CSMD1: variants seen among roughly 807,000 people sequenced by gnomAD.
The protein encoded by CSMD1 is CUB and sushi domain-containing protein 1.
A neutral mutation model predicts 417.5 loss-of-function variants in CSMD1; 213 were observed. The observed-to-expected ratio is 0.51, with a 90% CI of 0.46 to 0.57. The LOEUF (loss-of-function observed/expected upper bound fraction) is 0.57, where lower values mean the gene tolerates loss of function less well. Ranked by LOEUF, CSMD1 falls within the 20% of genes least tolerant of loss-of-function variation. The pLI is 0.00. For synonymous variants in CSMD1, 2,862 were observed against 1,736.8 expected, an observed-to-expected ratio of 1.65 and a Z score of -16.11; for missense variants, 6,923 against 4,529.7, an observed-to-expected ratio of 1.53 and a Z score of -15.17.
intron 3 of CSMD1, among the ~76,000 whole-genome samples, chr8:4,103,265 T>TTTTATATA (rs1554449717): frequency 1.1e-4 from 16 of 150,026 alleles, no homozygotes; most frequent in African/African-American, 2.4e-5. Context: ...TATACATACA[T>TTTTATATA]TATATATATC....
At chr8:4,161,726 C>T (rs953704364) in intron 3 of CSMD1, among the ~76,000 whole-genome samples, 1 of 152,106 alleles carries the variant, frequency 6.6e-6, no homozygotes, top group African/African-American at 2.4e-5. Context: ...ACCATTGCTG[C>T]CATCATTTTT....
At chr8:3,880,845 A>G (rs945196956) in intron 5 of CSMD1, among the ~76,000 whole-genome samples, 1 of 152,168 alleles carries the variant, frequency 6.6e-6, no homozygotes, top group Non-Finnish European at 1.5e-5. Flanking sequence ...TGACCTGCGC[A>G]TTTATATTTT....
intron 5 of CSMD1, among the ~76,000 whole-genome samples, chr8:3,850,159 T>C (rs1253830911): frequency 6.6e-6 from 1 of 152,248 alleles, no homozygotes; most frequent in African/African-American, 2.4e-5. Flanking sequence ...CCCTTATGAA[T>C]TTCAAGTGTC....
At chr8:3,843,450 C>G (rs1028648383) in intron 5 of CSMD1, among the ~76,000 whole-genome samples, 3 of 151,808 alleles carry the variant, frequency 2.0e-5, no homozygotes, top group African/African-American at 7.3e-5. Context: ...TAACAGCCAG[C>G]CAAAGATCAA....
At chr8:4,096,332 A>G (rs59961277) in intron 3 of CSMD1, among the ~76,000 whole-genome samples, 34,715 of 151,442 alleles carry the variant, frequency 0.23, 4,994 homozygotes, top group African/African-American at 0.4. Flanking sequence ...AACAACCCAG[A>G]AATAGGACAG....
chr8:4,007,521 C>T (rs189056102), intron 4 of CSMD1, among the ~76,000 whole-genome samples: 1 of 152,240 alleles, frequency 6.6e-6, no homozygotes, highest in African/African-American at 2.4e-5. Flanking sequence ...TTTAAACTAG[C>T]ACTCACCTAG....
intron 5 of CSMD1, among the ~76,000 whole-genome samples, chr8:3,975,266 T>G (rs1032421543): frequency 1.2e-4 from 18 of 152,230 alleles, no homozygotes; most frequent in Admixed American, 4.6e-4. Flanking sequence ...GTATGAGAGC[T>G]TGGGGTTGTT....
intron 3 of CSMD1, among the ~76,000 whole-genome samples, chr8:4,051,582 C>T (rs911496050): frequency 2.0e-5 from 3 of 152,182 alleles, no homozygotes; most frequent in African/African-American, 7.2e-5. Context: ...CTGTCAACGT[C>T]CTCAGAAGTG....
intron 25 of CSMD1, among the ~76,000 whole-genome samples, chr8:3,288,380 G>A (rs1490102015): frequency 6.8e-6 from 1 of 147,094 alleles, no homozygotes; most frequent in Non-Finnish European, 1.5e-5. Context: ...AATGGTACCA[G>A]CTCCTCCTTG....
intron 50 of CSMD1, among the ~76,000 whole-genome samples, chr8:3,032,550 G>A (rs746006607): frequency 1.6e-4 from 24 of 152,066 alleles, no homozygotes; most frequent in African/African-American, 4.1e-4. Context: ...TGTGACTCTC[G>A]CGAGAGGGTA....
chr8:3,747,335 A>T (rs1206069238), intron 6 of CSMD1, among the ~76,000 whole-genome samples: 1 of 152,186 alleles, frequency 6.6e-6, no homozygotes, highest in African/African-American at 2.4e-5. Flanking sequence ...AATTCTAAAC[A>T]ATCCATCATT....
intron 8 of CSMD1, among the ~76,000 whole-genome samples, chr8:3,593,690 A>G (rs990732149): frequency 4.6e-5 from 7 of 152,252 alleles, no homozygotes; most frequent in Non-Finnish European, 8.8e-5. Flanking sequence ...CACAGTACAA[A>G]TAAAACTACA....
chr8:3,437,517 G>A (rs1017113818), intron 12 of CSMD1, among the ~76,000 whole-genome samples: 4 of 152,152 alleles, frequency 2.6e-5, no homozygotes, highest in African/African-American at 9.7e-5. Context: ...CTCCAGCCCT[G>A]CTCAAAGAAA....
At chr8:3,314,427 T>C (rs564159876) in intron 23 of CSMD1, among the ~76,000 whole-genome samples, 1 of 152,188 alleles carries the variant, frequency 6.6e-6, no homozygotes, top group Non-Finnish European at 1.5e-5. Flanking sequence ...CTTTTCTATC[T>C]TGAAGCCACT....
chr8:4,231,599 A>G (rs1274886055), intron 3 of CSMD1, among the ~76,000 whole-genome samples: 4 of 152,184 alleles, frequency 2.6e-5, no homozygotes, highest in Non-Finnish European at 4.4e-5. Flanking sequence ...TCTGCATACA[A>G]TCCCCCAACA....
intron 61 of CSMD1, among the ~76,000 whole-genome samples, chr8:2,962,209 G>C (rs1018903532): frequency 1.3e-5 from 2 of 152,168 alleles, no homozygotes; most frequent in African/African-American, 4.8e-5. Context: ...ACAGCGGAGA[G>C]AGCCACTGAG....
intron 3 of CSMD1, among the ~76,000 whole-genome samples, chr8:4,256,580 G>C (rs1038294625): frequency 6.6e-6 from 1 of 152,168 alleles, no homozygotes; most frequent in Admixed American, 6.5e-5. Context: ...CCCATGGGAA[G>C]GGGTTTACCC....
intron 11 of CSMD1, among the ~76,000 whole-genome samples, chr8:3,485,109 A>T (rs2117261282): frequency 6.6e-6 from 1 of 152,328 alleles, no homozygotes; most frequent in South Asian, 2.1e-4. Context: ...CAACCTATAC[A>T]CAAATGTCAT....
chr8:3,912,703 A>C (rs1484208557), intron 5 of CSMD1, among the ~76,000 whole-genome samples: 1 of 152,178 alleles, frequency 6.6e-6, no homozygotes, highest in Non-Finnish European at 1.5e-5. Flanking sequence ...AGAATACGAC[A>C]ACTGATGGGA....
Sources: allele counts gnomAD v4.1 joint callset (sites outside exome capture counted in the v4.1 genomes callset), GRCh38; gene constraint gnomAD v4.1.1; transcripts MANE v1.5; gene names NCBI Gene and HGNC (gene_info 2026-07-23, HGNC 2026-07-21).